TASOR2: variants seen among roughly 807,000 people sequenced by gnomAD.
TASOR2 encodes the protein transcription activation suppressor family member 2.
TASOR2 carries 84 observed loss-of-function variants against 199.5 expected under a neutral mutation model. That is an observed-to-expected ratio of 0.42 (90% CI 0.35 to 0.50). The LOEUF is 0.50. TASOR2 is among the 20% of genes least tolerant of loss of function. TASOR2 has a pLI of 0.02. For synonymous variants in TASOR2, 1,103 were observed against 1,046.6 expected, an observed-to-expected ratio of 1.05 and a Z score of -1.04; for missense variants, 2,796 against 2,835.9, an observed-to-expected ratio of 0.99 and a Z score of 0.32.
rs145290407 is a variant in TASOR2, at chr10:5,752,078, G to C, written c.6606+2051G>C. Among the ~76,000 whole-genome samples the C allele has an allele frequency of 3.3e-3, 504 of 152,072 alleles. 2 individuals carry two copies. The highest frequency in any genetic ancestry group is 0.012 in the African/African-American group (479 of 41,450). On this transcript the variant is annotated intron_variant, in intron 15 of 20. Coordinates refer to ENST00000328090, the Ensembl canonical transcript of TASOR2. This position sits in a 1 kb window ranked among gnomAD's most constrained non-coding sequence, Gnocchi z 4.4. Reference sequence around the variant, plus strand: ...CTGACCTCCCGAAACTCCCTGACCTGAGCGCGGGCCAGCTGCCCTCCCCCT... The same window carrying C: ...CTGACCTCCCGAAACTCCCTGACCTCAGCGCGGGCCAGCTGCCCTCCCCCT...
In TASOR2 at chr10:5,697,210, T is replaced by A. The variant is rs1227210286; in HGVS notation, c.-288+12035T>A. Among the ~76,000 whole-genome samples, 3 of 152,250 alleles carry A rather than the reference T, an allele frequency of 2.0e-5. No homozygotes were observed. In the East Asian group the frequency reaches 5.8e-4, roughly 29 times the overall value. ...AACAAGACCAGATTGATTTTCTTCCTACTTCTGAAAAGAAGAATGGGGGCA... is the reference window on the plus strand; with the variant it reads ...AACAAGACCAGATTGATTTTCTTCCAACTTCTGAAAAGAAGAATGGGGGCA... On this transcript the variant is annotated intron_variant, in intron 1 of 20. Coordinates refer to ENST00000328090, the Ensembl canonical transcript of TASOR2.
intron 2 of TASOR2, among the ~76,000 whole-genome samples, chr10:5,715,115 A>G (rs1043216220): frequency 4.7e-5 from 7 of 150,346 alleles, no homozygotes; most frequent in Non-Finnish European, 8.9e-5. Flanking sequence ...GAAAGCAGAA[A>G]GATCTCACGA....
intron 10 of TASOR2, among the ~76,000 whole-genome samples, chr10:5,728,189 C>T (rs1834300558): frequency 6.7e-6 from 1 of 149,252 alleles, no homozygotes; most frequent in Admixed American, 6.7e-5. Context: ...TCACTGCCCT[C>T]CAGCCTGGGC....
At position 5,698,055 on chromosome 10, in the gene TASOR2, T is replaced by G. The variant is rs1032369576; in HGVS notation, c.-288+12880T>G. Among the ~76,000 whole-genome samples the G allele has an allele frequency of 5.9e-5, 9 of 152,246 alleles. No individual in the cohort carries two copies. The highest frequency in any genetic ancestry group is 2.2e-4 in the African/African-American group (9 of 41,466). ...ATTGACCCTAGTGCTTTACTTTTCC[T>G]TATGTTCACTCCATGACCCTATGCA... On this transcript the variant is annotated intron_variant, in intron 1 of 20. Transcript: ENST00000328090. This position sits in a 1 kb window ranked among gnomAD's most constrained non-coding sequence, Gnocchi z 4.4.
intron 1 of TASOR2, among the ~76,000 whole-genome samples, chr10:5,702,166 AT>A (rs1336267486): frequency 1.3e-5 from 2 of 152,196 alleles, no homozygotes; most frequent in Non-Finnish European, 2.9e-5. Flanking sequence ...TTTTAAAATC[AT>A]AAACAGATGT....
chr10:5,753,258 A>T lies in TASOR2; in HGVS notation c.6606+3231A>T, dbSNP rs554903752. ...GGTGGCTCCTATTTTGAGTCAACTAACTATGACTGTAAATGTTTTCTTCAA... is the reference window on the plus strand; with the variant it reads ...GGTGGCTCCTATTTTGAGTCAACTATCTATGACTGTAAATGTTTTCTTCAA... On this transcript the variant is annotated intron_variant, in intron 15 of 20. Transcript: ENST00000328090. 8.5e-5 allele frequency among the ~76,000 whole-genome samples: 13 copies of T among 152,346 alleles called. No individual in the cohort carries two copies. In the South Asian group the frequency reaches 2.7e-3, roughly 32 times the overall value.
At chr10:5,745,715 G>A (rs376915473) in intron 14 of TASOR2, among the ~76,000 whole-genome samples, 7 of 152,040 alleles carry the variant, frequency 4.6e-5, no homozygotes, top group African/African-American at 1.4e-4. Flanking sequence ...GGAGGCAGAG[G>A]TTGCAGTGAG....
At chr10:5,732,952 A>G (rs4748572) in intron 11 of TASOR2, among the ~76,000 whole-genome samples, 1 of 152,086 alleles carries the variant, frequency 6.6e-6, no homozygotes, top group Non-Finnish European at 1.5e-5. Flanking sequence ...AGTATAAAGC[A>G]GTGCACCAGA....
chr10:5,747,334 C>G, exon 15 of TASOR2: 1 of 1,614,046 alleles, frequency 6.2e-7, no homozygotes, highest in Non-Finnish European at 8.5e-7. Context: ...TGAAATAGAG[C>G]AATTTGAGGA....
exon 15 of TASOR2, chr10:5,749,101 C>G: frequency 6.2e-7 from 1 of 1,614,040 alleles, no homozygotes; most frequent in Non-Finnish European, 8.5e-7. Context: ...GACGAGCCTC[C>G]CTCCCGGGCA....
chr10:5,732,388 T>C (rs1834942423), intron 11 of TASOR2, among the ~76,000 whole-genome samples: 1 of 152,234 alleles, frequency 6.6e-6, no homozygotes, highest in South Asian at 2.1e-4. Flanking sequence ...CCACATGACC[T>C]TCAAAGCTGA....
At chr10:5,714,578 C>T (rs1405565814) in intron 2 of TASOR2, 1 of 160,034 alleles carries the variant, frequency 6.2e-6, no homozygotes, top group African/African-American at 2.4e-5. Flanking sequence ...AAAAGAGGTA[C>T]ATAAGAAGAG....
rs939027326 is a variant in TASOR2 at position 5,738,742 on chromosome 10, A to G, written c.1448-876A>G. Among the ~76,000 whole-genome samples, 3 of 145,046 alleles carry G rather than the reference A, an allele frequency of 2.1e-5. No homozygotes were observed. Among genetic ancestry groups the G allele is most frequent in the South Asian group, 4.5e-4 (2 of 4,484 alleles). On this transcript the variant is annotated intron_variant, in intron 12 of 20. Transcript: ENST00000328090. This position sits in a 1 kb window ranked among gnomAD's most constrained non-coding sequence, Gnocchi z 4.7. ...AGGAACATAGTTGGCTTTTCTGGTC[A>G]TCTGTCTACCTGCAGCAGGGAATCA...
chr10:5,762,424 C>G (rs756070846), intron 19 of TASOR2, 108 bp from the exon 21 acceptor site: 17 of 431,668 alleles, frequency 3.9e-5, no homozygotes, highest in Middle Eastern at 6.2e-4. Context: ...CCCCCTACCC[C>G]TCACACGAGG....
rs1468668774 is a variant in TASOR2, at chr10:5,689,104, C to G, written c.-288+3929C>G. The stretch of plus-strand genomic sequence containing the variant: ...AAAATGTCTTTATTTTGCAGCCATT[C>G]TTGAATGATGTTTTTGCTGAATACA... On this transcript the variant is annotated intron_variant, in intron 1 of 20. Coordinates refer to ENST00000328090, the Ensembl canonical transcript of TASOR2. The surrounding 1 kb of genome is among the most constrained non-coding windows in gnomAD (Gnocchi z 4.1). 6.6e-6 allele frequency among the ~76,000 whole-genome samples: 1 copy of G among 152,198 alleles called. No homozygotes were observed. Among genetic ancestry groups the G allele is most frequent in the Admixed American group, 6.5e-5 (1 of 15,280 alleles).
intron 18 of TASOR2, among the ~76,000 whole-genome samples, chr10:5,760,527 A>G (rs928754077): frequency 2.0e-5 from 3 of 152,226 alleles, no homozygotes; most frequent in Non-Finnish European, 4.4e-5. Context: ...TATGCAGACT[A>G]CAGTTAAATA....
chr10:5,705,701 A>G (rs1455765549), intron 1 of TASOR2, among the ~76,000 whole-genome samples: 1 of 152,092 alleles, frequency 6.6e-6, no homozygotes, highest in Non-Finnish European at 1.5e-5. Flanking sequence ...GGTTTTAATT[A>G]GCACTTCCCT....
In TASOR2 at chr10:5,712,758, T is replaced by A. The variant is rs2275771; in HGVS notation, c.-287-65T>A. On this transcript the variant is annotated intron_variant, in intron 1 of 20. Transcript: ENST00000328090. ...AGGAAGAATTCAAATGATGCATTTT[T>A]AAAAATTTGCAAGACAAAATAGTAT... 3,895 of 911,192 alleles carry A rather than the reference T, an allele frequency of 4.3e-3. 249 individuals carry two copies. In the Admixed American group the frequency reaches 0.12, roughly 28 times the overall value. The allele number at this position is 911,192 out of a possible 1,614,324, so 56.4% of individuals were successfully genotyped here. A position where few individuals can be genotyped will look rare whatever the true frequency, so the allele number is the denominator to read the frequency against.
exon 16 of TASOR2, chr10:5,756,691 C>G (rs573375183): frequency 6.2e-7 from 1 of 1,613,440 alleles, no homozygotes; most frequent in African/African-American, 1.3e-5. Context: ...GAATGATACA[C>G]TAATCATCAT....
Sources: gnomAD v4.1 joint callset for allele counts (sites outside exome capture counted in the v4.1 genomes callset) on GRCh38, gnomAD v4.1.1 for gene constraint, Gnocchi (gnomAD v3.1) non-coding constraint, MANE v1.5 for transcripts, NCBI Gene and HGNC (gene_info 2026-07-23, HGNC 2026-07-21) for gene names.